Variants in ANKRD31 observed in about 807,000 individuals in gnomAD.
ANKRD31 encodes the protein ankyrin repeat domain-containing protein 31.
Under a neutral mutation model 186.0 loss-of-function variants are expected in ANKRD31, and 147 were observed. The observed-to-expected ratio is 0.79, with a 90% CI of 0.69 to 0.91. The LOEUF (loss-of-function observed/expected upper bound fraction) is 0.91. Among genes scored for constraint, ANKRD31 ranks in the 40% least tolerant of loss-of-function variants. The probability of loss-of-function intolerance (pLI) is 0.00; values close to 1 mark genes in which losing one functional copy is unlikely to be tolerated. For synonymous variants in ANKRD31, 673 were observed against 736.4 expected (o/e 0.91, Z 1.39); for missense variants, 1,986 against 2,148.8 (o/e 0.92, Z 1.50).
intron 2 of ANKRD31, among the ~76,000 whole-genome samples, chr5:75,229,864 C>CAAAAAAAAAA (rs1210080751): frequency 9.0e-4 from 34 of 37,686 alleles, no homozygotes; most frequent in Admixed American, 1.3e-3. Flanking sequence ...GACTCTGTCT[C>CAAAAAAAAAA]AAAAAAAAAA....
intron 17 of ANKRD31, among the ~76,000 whole-genome samples, chr5:75,133,689 C>A (rs928322118): frequency 2.0e-5 from 3 of 152,182 alleles, no homozygotes; most frequent in Admixed American, 2.0e-4. Context: ...CAGAACTCTC[C>A]ACCCCAAATC....
intron 19 of ANKRD31, among the ~76,000 whole-genome samples, chr5:75,114,290 T>C (rs954859133): frequency 2.6e-5 from 4 of 152,170 alleles, no homozygotes; most frequent in African/African-American, 9.7e-5. Flanking sequence ...TAGACACTTA[T>C]GGAAGTGAGT....
chr5:75,229,618 G>T (rs917298300), intron 2 of ANKRD31, among the ~76,000 whole-genome samples: 1 of 152,084 alleles, frequency 6.6e-6, no homozygotes, highest in African/African-American at 2.4e-5. Context: ...TGTAATCCCA[G>T]CACTTTGGAG....
In ANKRD31 at chr5:75,148,574, A is replaced by T; in HGVS notation, c.1905+2T>A. On this transcript the variant is annotated splice_donor_variant, in intron 13 of 25. Transcript: ENST00000506364. LOFTEE classifies it high-confidence loss of function. ...AATGTTTATTACTAAACATAGATAT[A>T]CCTTGTGTTGGTACACATCCTCTAT... The T allele has an allele frequency of 6.6e-7, 1 of 1,513,660 alleles. No individual in the cohort carries two copies. The highest frequency in any genetic ancestry group is 1.4e-5 in the African/African-American group (1 of 72,202). 93.8% of individuals were successfully genotyped at this position (1,513,660 alleles called of 1,614,324 possible).
intron 22 of ANKRD31, among the ~76,000 whole-genome samples, chr5:75,101,246 A>G (rs1262468060): frequency 6.6e-6 from 1 of 152,140 alleles, no homozygotes; most frequent in Admixed American, 6.5e-5. Flanking sequence ...AATGTTGAAT[A>G]TTGGCCCCTA....
At chr5:75,149,440 T>C (rs1333910395) in intron 12 of ANKRD31, among the ~76,000 whole-genome samples, 2 of 151,940 alleles carry the variant, frequency 1.3e-5, no homozygotes, top group African/African-American at 4.8e-5. Flanking sequence ...TGGGGATAAC[T>C]TTCATGATAG....
intron 10 of ANKRD31, among the ~76,000 whole-genome samples, chr5:75,185,605 G>A (rs1476141019): frequency 1.3e-5 from 2 of 151,944 alleles, no homozygotes; most frequent in African/African-American, 4.8e-5. Flanking sequence ...GTGTCCTATT[G>A]AAGAGTTGGG....
intron 18 of ANKRD31, among the ~76,000 whole-genome samples, chr5:75,117,550 C>A (rs1385942919): frequency 6.6e-6 from 1 of 152,072 alleles, no homozygotes; most frequent in African/African-American, 2.4e-5. Context: ...AAGTGTGTGA[C>A]ACAATTGCTC....
intron 19 of ANKRD31, among the ~76,000 whole-genome samples, chr5:75,115,599 G>T (rs1748166483): frequency 6.6e-6 from 1 of 151,696 alleles, no homozygotes; most frequent in Non-Finnish European, 1.5e-5. Flanking sequence ...GTGGGCAAAG[G>T]ACATGAACAG....
intron 22 of ANKRD31, among the ~76,000 whole-genome samples, chr5:75,097,280 T>C (rs1019051567): frequency 2.0e-5 from 3 of 152,200 alleles, no homozygotes; most frequent in African/African-American, 7.2e-5. Context: ...CCACCAACAG[T>C]GTAAAGGTGT....
chr5:75,118,871 C>T (rs1748521855), intron 17 of ANKRD31, among the ~76,000 whole-genome samples: 4 of 152,030 alleles, frequency 2.6e-5, no homozygotes, highest in African/African-American at 9.7e-5. Flanking sequence ...TTGTCTTTCC[C>T]CAAGCTGCTG....
chr5:75,098,629 C>T (rs1357354385), intron 22 of ANKRD31, among the ~76,000 whole-genome samples: 1 of 152,076 alleles, frequency 6.6e-6, no homozygotes, highest in Admixed American at 6.5e-5. Context: ...TGTAGTTCTC[C>T]TTGAAGATGT....
In ANKRD31 at chr5:75,222,232, A is replaced by G. The variant is rs754780291; in HGVS notation, c.288+17T>C. ...CCAATTTTTAATGAGTATGTATTCA[A>G]TCAACATGCTACACACCTGTAATAT... On this transcript the variant is annotated intron_variant, in intron 3 of 25. Coordinates refer to ENST00000506364, the MANE Select transcript of ANKRD31 (RefSeq NM_001372053.1). The G allele has an allele frequency of 3.8e-5, 57 of 1,499,872 alleles. No homozygotes were observed. The highest frequency in any genetic ancestry group is 6.1e-5 in the Admixed American group (3 of 49,322). 92.9% of individuals were successfully genotyped at this position (1,499,872 alleles called of 1,614,324 possible).
chr5:75,197,044 G>A lies in ANKRD31; in HGVS notation c.448-844C>T, dbSNP rs575008682. 1.3e-4 allele frequency among the ~76,000 whole-genome samples: 20 copies of A among 152,206 alleles called. No homozygotes were observed. In the South Asian group the frequency reaches 3.9e-3, roughly 30 times the overall value. On this transcript the variant is annotated intron_variant, in intron 6 of 25. Transcript: ENST00000506364. Reference sequence around the variant, plus strand: ...GCCTCTTGAGTAGCTGGGATTACAGGAGCCTGCCACCATGCCCTGTTAATT... The same window carrying A: ...GCCTCTTGAGTAGCTGGGATTACAGAAGCCTGCCACCATGCCCTGTTAATT...
intron 2 of ANKRD31, among the ~76,000 whole-genome samples, chr5:75,223,054 G>A (rs547477963): frequency 1.1e-4 from 17 of 152,132 alleles, no homozygotes; most frequent in East Asian, 3.9e-4. Context: ...ATTTACATTC[G>A]CACCAACAGT....
chr5:75,107,604 T>G lies in ANKRD31; in HGVS notation c.4257A>C (p.Glu1419Asp). The G allele has an allele frequency of 2.6e-6, 4 of 1,519,338 alleles. No individual in the cohort carries two copies. Among genetic ancestry groups the G allele is most frequent in the Non-Finnish European group, 3.5e-6 (4 of 1,135,770 alleles). The allele number at this position is 1,519,338 out of a possible 1,614,324, so 94.1% of individuals were successfully genotyped here. The change falls in exon 21 of 26, where the codon GAA (glutamate) becomes GAC (aspartate). Residue 1419 changes from glutamate (E) to aspartate (D), a missense_variant. Transcript: ENST00000506364. ...RNPEDAEQYIEKMLKIKKIMD... is the reference protein window; with the variant it reads ...RNPEDAEQYIDKMLKIKKIMD... ...TAATCTTTTTTATCTTTAACATCTT[T>G]TCAATGTATTGTTCTAGAAACATGA...
intron 22 of ANKRD31, among the ~76,000 whole-genome samples, chr5:75,095,886 T>C (rs978442692): frequency 1.3e-5 from 2 of 152,170 alleles, no homozygotes; most frequent in Admixed American, 1.3e-4. Flanking sequence ...TCTTGGAACA[T>C]AGCTCCTGCA....
At chr5:75,184,226 T>A (rs1474722903) in intron 10 of ANKRD31, among the ~76,000 whole-genome samples, 2 of 152,108 alleles carry the variant, frequency 1.3e-5, no homozygotes, top group African/African-American at 4.8e-5. Context: ...GGATCCTTAT[T>A]TTCAACACAT....
chr5:75,097,817 C>CTTGAATTAA (rs1159283048), intron 22 of ANKRD31, among the ~76,000 whole-genome samples: 1 of 152,088 alleles, frequency 6.6e-6, no homozygotes, highest in East Asian at 1.9e-4. Flanking sequence ...TTTAATCCAT[C>CTTGAATTAA]TTGAATTAAT....
Sources: gnomAD v4.1 joint callset for allele counts (sites outside exome capture counted in the v4.1 genomes callset) on GRCh38, gnomAD v4.1.1 for gene constraint, MANE v1.5 for transcripts, NCBI Gene and HGNC (gene_info 2026-07-23, HGNC 2026-07-21) for gene names.